Variants in CARS2 observed in about 807,000 individuals in gnomAD.
CARS2 encodes the protein probable cysteine--tRNA ligase, mitochondrial.
Under a neutral mutation model 68.8 loss-of-function variants are expected in CARS2, and 52 were observed. That is an observed-to-expected ratio of 0.76 (90% CI 0.61 to 0.95). The LOEUF is 0.95. Ranked by LOEUF, CARS2 falls within the 40% of genes least tolerant of loss-of-function variation. The probability of loss-of-function intolerance (pLI) is 0.00; values close to 1 mark genes in which losing one functional copy is unlikely to be tolerated. For synonymous variants in CARS2, 314 were observed against 303.6 expected, an observed-to-expected ratio of 1.03 and a Z score of -0.36; for missense variants, 780 against 754.2, an observed-to-expected ratio of 1.03 and a Z score of -0.40.
Position 110,688,009 on chromosome 13 carries a change from A to G in CARS2, c.403T>C (p.Ser135Pro). The G allele has an allele frequency of 6.2e-7, 1 of 1,609,406 alleles. No individual in the cohort carries two copies. The highest frequency in any genetic ancestry group is 8.5e-7 in the Non-Finnish European group (1 of 1,177,288). ...IIKRANEMNI[S>P]PASLASLYEE... is the part of the protein sequence containing the mutation. Reference sequence around the variant, plus strand: ...TAAAGACTGGCGAGGGAAGCGGGGGAAATATTCATCTGCAGAAGGATTAGA... The same window carrying G: ...TAAAGACTGGCGAGGGAAGCGGGGGGAATATTCATCTGCAGAAGGATTAGA... Residue 135 changes from serine (S) to proline (P), a missense_variant, in exon 4 of 15, where the codon TCC becomes CCC. Coordinates refer to ENST00000257347, the MANE Select transcript of CARS2 (RefSeq NM_024537.4).
rs1189030023 is a variant in CARS2 at position 110,691,511 on chromosome 13, T to C, written c.394-3493A>G. ...AAACAAACTTACAAAGCCTCCCCAG[T>C]ATGAGGCTATCAAATTTGCCTTGGG... On this transcript the variant is annotated intron_variant, in intron 3 of 14. Transcript: ENST00000257347. Among the ~76,000 whole-genome samples, 6 of 152,148 alleles carry C rather than the reference T, an allele frequency of 3.9e-5. No individual in the cohort carries two copies. The East Asian group carries it at 7.7e-4, about 20-fold the overall frequency.
At chr13:110,644,198 T>C in intron 13 of CARS2, 187 bp downstream of exon 13, 1 of 1,469,494 alleles carries the variant, frequency 6.8e-7, no homozygotes, top group Non-Finnish European at 9.1e-7. Context: ...GAAGTAGAAT[T>C]GTGCAATTCC....
Position 110,653,393 on chromosome 13 carries a change from C to T in CARS2, c.988-2293G>A, listed in dbSNP as rs912941268. ...CGCAGGCTTACTTGACACCCTCCCT[C>T]ACCCGAGGTGCTGTGGTTCCAATTA... is the stretch of plus-strand genomic sequence containing the variant. On this transcript the variant is annotated intron_variant, in intron 9 of 14. Transcript: ENST00000257347. The surrounding 1 kb of genome is among the most constrained non-coding windows in gnomAD (Gnocchi z 5.6). Among the ~76,000 whole-genome samples the T allele has an allele frequency of 1.3e-5, 2 of 152,222 alleles. No individual in the cohort carries two copies. The highest frequency in any genetic ancestry group is 1.3e-4 in the Admixed American group (2 of 15,282).
In CARS2 at chr13:110,701,419, G is replaced by T; in HGVS notation, c.393+19C>A. ...CTAATCAATGGCATTATCAATAGATGTAACTCTTCTCCACTTACCTCATTG... is the reference window on the plus strand; with the variant it reads ...CTAATCAATGGCATTATCAATAGATTTAACTCTTCTCCACTTACCTCATTG... On this transcript the variant is annotated intron_variant, in intron 3 of 14. Coordinates refer to ENST00000257347, the MANE Select transcript of CARS2 (RefSeq NM_024537.4). The T allele has an allele frequency of 9.3e-7, 1 of 1,070,218 alleles. No homozygotes were observed. Among genetic ancestry groups the T allele is most frequent in the Non-Finnish European group, 1.5e-6 (1 of 684,382 alleles). The allele number at this position is 1,070,218 out of a possible 1,614,324, so 66.3% of individuals were successfully genotyped here.
chr13:110,644,502 C>T lies in CARS2; in HGVS notation c.1318-19G>A. The T allele has an allele frequency of 6.2e-7, 1 of 1,613,658 alleles. No homozygotes were observed. Among genetic ancestry groups the T allele is most frequent in the South Asian group, 1.1e-5 (1 of 91,046 alleles). On this transcript the variant is annotated intron_variant, in intron 12 of 14. Coordinates refer to ENST00000257347, the MANE Select transcript of CARS2 (RefSeq NM_024537.4). ...CAGGTTCCTGTAAGAGATCATGTCG[C>T]AGAAGCTCCTTAAAAGCAGTCTTGA...
At chr13:110,649,202 TC>T (rs1177131338) in intron 10 of CARS2, 1 of 152,240 alleles carries the variant, frequency 6.6e-6, no homozygotes, top group African/African-American at 2.4e-5. Context: ...TGGCCACACT[TC>T]TTTCTCAAGC....
rs778511991 is a variant in CARS2, at chr13:110,676,586, T to C, written c.785+388A>G. Among the ~76,000 whole-genome samples the C allele has an allele frequency of 6.6e-6, 1 of 151,964 alleles. No homozygotes were observed. The highest frequency in any genetic ancestry group is 1.5e-5 in the Non-Finnish European group (1 of 67,976). ...ACCCTGGCATGCGAGTTGCCTGAGC[T>C]AGAAGAGCTGGCGGGAAGGCGGAGA... is the stretch of plus-strand genomic sequence containing the variant. On this transcript the variant is annotated intron_variant, in intron 7 of 14. Coordinates refer to ENST00000257347, the MANE Select transcript of CARS2 (RefSeq NM_024537.4). The surrounding 1 kb of genome is among the most constrained non-coding windows in gnomAD (Gnocchi z 4.0).
At position 110,647,230 on chromosome 13, in the gene CARS2, T is replaced by C; in HGVS notation, c.1064A>G (p.Tyr355Cys). 6.2e-7 allele frequency: 1 copy of C among 1,612,722 alleles called. No individual in the cohort carries two copies. The highest frequency in any genetic ancestry group is 8.5e-7 in the Non-Finnish European group (1 of 1,179,486). ...AGCTTGGAGCATGGCGCTGTCACTGTAGTCGATGGCTGAGGAGGAAGAGAT... is the reference window on the plus strand; with the variant it reads ...AGCTTGGAGCATGGCGCTGTCACTGCAGTCGATGGCTGAGGAGGAAGAGAT... ...LRSSYRSAID[Y>C]SDSAMLQAQQ... The change falls in exon 11 of 15, where the codon TAC (tyrosine) becomes TGC (cysteine). Residue 355 changes from tyrosine (Y) to cysteine (C), a missense_variant. Tyr to Cys is a radical substitution (Grantham distance 194, BLOSUM62 -2). Transcript: ENST00000257347.
In CARS2 at chr13:110,670,319, C is replaced by T. The variant is rs887906689; in HGVS notation, c.786-2846G>A. 1.3e-5 allele frequency among the ~76,000 whole-genome samples: 2 copies of T among 152,214 alleles called. No homozygotes were observed. Among genetic ancestry groups the T allele is most frequent in the Non-Finnish European group, 1.5e-5 (1 of 68,038 alleles). On this transcript the variant is annotated intron_variant, in intron 7 of 14. Coordinates refer to ENST00000257347, the MANE Select transcript of CARS2 (RefSeq NM_024537.4). This position sits in a 1 kb window ranked among gnomAD's most constrained non-coding sequence, Gnocchi z 4.1. ...GGAGACACCTCCCAGTAGGGGCTGA[C>T]TGACACCTCATACAGCCAGGTGCCC...
intron 6 of CARS2, among the ~76,000 whole-genome samples, chr13:110,678,891 A>G (rs59019668): frequency 0.05 from 7,546 of 152,138 alleles, 400 homozygotes; most frequent in African/African-American, 0.12. Flanking sequence ...GAGGCTGGGC[A>G]CTCCAACATA....
At chr13:110,656,825 A>G (rs953188425) in intron 9 of CARS2, among the ~76,000 whole-genome samples, 2 of 151,904 alleles carry the variant, frequency 1.3e-5, no homozygotes, top group Admixed American at 1.3e-4. Context: ...CGGAGCTTGC[A>G]GTGAGCCAAG....
chr13:110,648,812 A>G (rs1411345015), intron 10 of CARS2: 1 of 152,218 alleles, frequency 6.6e-6, no homozygotes, highest in Non-Finnish European at 1.5e-5. Flanking sequence ...TCGTATTCAA[A>G]GCTCAAAAAG....
chr13:110,665,759 G>A lies in CARS2; in HGVS notation c.919+1581C>T. The A allele has an allele frequency of 2.0e-6, 2 of 985,338 alleles. No homozygotes were observed. The allele number at this position is 985,338 out of a possible 1,614,324, so 61.0% of individuals were successfully genotyped here. A position where few individuals can be genotyped will look rare whatever the true frequency, so the allele number is the denominator to read the frequency against. On this transcript the variant is annotated intron_variant, in intron 8 of 14. Coordinates refer to ENST00000257347, the MANE Select transcript of CARS2 (RefSeq NM_024537.4). This position sits in a 1 kb window ranked among gnomAD's most constrained non-coding sequence, Gnocchi z 4.3. The stretch of plus-strand genomic sequence containing the variant: ...GAAGTCAACGAGGAAGTGACTTCGG[G>A]GCAATCAGCCTCATCTATTTACTTT...
chr13:110,687,747 C>G lies in CARS2; in HGVS notation c.545G>C (p.Arg182Pro). The stretch of plus-strand genomic sequence containing the variant: ...TTTTGCCGTTGAATAAGCGTTCCCA[C>G]GAGCAATGATTCCTTCAATGAAAGA... ...IISFIEGIIARGNAYSTAKGN... is the reference protein window; with the variant it reads ...IISFIEGIIAPGNAYSTAKGN... Residue 182 changes from arginine to proline, a missense_variant, in exon 5 of 15, where the codon CGT becomes CCT. Coordinates refer to ENST00000257347, the MANE Select transcript of CARS2 (RefSeq NM_024537.4). 6.2e-7 allele frequency: 1 copy of G among 1,610,346 alleles called. No individual in the cohort carries two copies.
chr13:110,666,835 C>T (rs550557266), intron 8 of CARS2: 27 of 985,422 alleles, frequency 2.7e-5, no homozygotes, highest in Non-Finnish European at 3.0e-5. Flanking sequence ...CTTGGAAATA[C>T]GACTCTTCCA....
chr13:110,693,480 C>T (rs961642566), intron 3 of CARS2, among the ~76,000 whole-genome samples: 2 of 152,050 alleles, frequency 1.3e-5, no homozygotes, highest in African/African-American at 4.8e-5. Context: ...CTGCCTCAGC[C>T]TCCCGAGTAG....
intron 10 of CARS2, chr13:110,649,016 C>G (rs956971606): frequency 2.0e-5 from 3 of 152,258 alleles, no homozygotes; most frequent in African/African-American, 7.2e-5. Context: ...CGCTCGCACA[C>G]GGGATTCATC....
exon 1 of CARS2, chr13:110,713,429 C>G: frequency 1.0e-6 from 1 of 1,002,078 alleles, no homozygotes; most frequent in Non-Finnish European, 1.2e-6. Flanking sequence ...CTCCAAGTGC[C>G]AAAAACTCCT....
At chr13:110,680,819 G>A (rs1157010202) in intron 6 of CARS2, among the ~76,000 whole-genome samples, 5 of 152,228 alleles carry the variant, frequency 3.3e-5, no homozygotes, top group Admixed American at 1.3e-4. Flanking sequence ...GCTAAGTGTC[G>A]TGTTAAGGGA....
Sources: allele counts gnomAD v4.1 joint callset (sites outside exome capture counted in the v4.1 genomes callset), GRCh38; gene constraint gnomAD v4.1.1; non-coding constraint Gnocchi (gnomAD v3.1); transcripts MANE v1.5; gene names NCBI Gene and HGNC (gene_info 2026-07-23, HGNC 2026-07-21).